The following TAFA1 variants were observed in gnomAD, a reference collection of about 807,000 sequenced individuals.
TAFA1 encodes the protein TAFA chemokine like family member 1.
TAFA1 carries 4 observed loss-of-function variants against 18.5 expected under a neutral mutation model. That is an observed-to-expected ratio of 0.22 (90% confidence interval 0.11 to 0.49). TAFA1 has a LOEUF of 0.49. Ranked by LOEUF, TAFA1 falls within the 20% of genes least tolerant of loss-of-function variation. The probability of loss-of-function intolerance (pLI) is 0.98; values close to 1 mark genes in which losing one functional copy is unlikely to be tolerated. For missense variants in TAFA1, 147 were observed against 169.0 expected (o/e 0.87, Z 0.72); for synonymous variants, 56 against 55.2 (o/e 1.01, Z -0.06).
At chr3:68,330,304 T>C (rs2068845036) in intron 2 of TAFA1, among the ~76,000 whole-genome samples, 1 of 152,150 alleles carries the variant, frequency 6.6e-6, no homozygotes, top group Admixed American at 6.5e-5. Flanking sequence ...GGCCATGTGA[T>C]TGAGGCCTCT....
chr3:68,371,428 C>T (rs995343525), intron 2 of TAFA1, among the ~76,000 whole-genome samples: 1 of 152,040 alleles, frequency 6.6e-6, no homozygotes, highest in Non-Finnish European at 1.5e-5. Context: ...TCCCTGTGTC[C>T]ATGTGTTCTT....
intron 2 of TAFA1, among the ~76,000 whole-genome samples, chr3:68,389,177 T>C (rs1012812280): frequency 6.6e-6 from 1 of 152,310 alleles, no homozygotes; most frequent in South Asian, 2.1e-4. Flanking sequence ...GGGGACTTTG[T>C]ATGTGTAAAA....
In TAFA1 at chr3:68,500,066, A is replaced by C. The variant is rs995265617; in HGVS notation, c.260-38690A>C. ...CCATCTTTTGGTTGTGCCTTCTACT[A>C]TGTTGGCTTCCTTCCTAGGCTCTTT... is the stretch of plus-strand genomic sequence containing the variant. On this transcript the variant is annotated intron_variant, in intron 3 of 4. Coordinates refer to ENST00000478136, the MANE Select transcript of TAFA1 (RefSeq NM_213609.4). Among the ~76,000 whole-genome samples the C allele has an allele frequency of 3.3e-5, 5 of 151,854 alleles. No homozygotes were observed. In the East Asian group the frequency reaches 5.8e-4, roughly 18 times the overall value.
rs369483671 is a variant in TAFA1, at chr3:68,376,323, G to GT, written c.119-40947dup. On this transcript the variant is annotated intron_variant, in intron 2 of 4. Transcript: ENST00000478136. ...TTACATAGGGAAACTTGTGTCATGG[G>GT]TTTTTTTTTTACAGATCATTTCATC... Among the ~76,000 whole-genome samples the GT allele has an allele frequency of 5.6e-3, 821 of 146,178 alleles. 6 individuals are homozygous for GT. The highest frequency in any genetic ancestry group is 0.021 in the Middle Eastern group (6 of 290).
At chr3:68,223,028 C>T (rs1264382600) in intron 2 of TAFA1, among the ~76,000 whole-genome samples, 1 of 151,896 alleles carries the variant, frequency 6.6e-6, no homozygotes, top group Non-Finnish European at 1.5e-5. Flanking sequence ...TTCATTATGG[C>T]ATTTTTTTCC....
chr3:68,129,913 C>T (rs1235234973), intron 2 of TAFA1, among the ~76,000 whole-genome samples: 1 of 152,174 alleles, frequency 6.6e-6, no homozygotes, highest in Non-Finnish European at 1.5e-5. Context: ...GACTCTCATA[C>T]ATGTTAGCTC....
At chr3:67,997,378 T>G in the TAFA1 span, among the ~76,000 whole-genome samples, 1 of 152,192 alleles carries the variant, frequency 6.6e-6, no homozygotes, top group South Asian at 2.1e-4. Flanking sequence ...TAGTAAGAGG[T>G]AGAGCTGAAA....
At chr3:68,041,428 A>G (rs775136359) in intron 2 of TAFA1, among the ~76,000 whole-genome samples, 2 of 152,238 alleles carry the variant, frequency 1.3e-5, no homozygotes, top group Non-Finnish European at 2.9e-5. Flanking sequence ...CATTATGCCA[A>G]TCATATAGAC....
chr3:68,421,635 G>A (rs2070957138), intron 3 of TAFA1, among the ~76,000 whole-genome samples: 1 of 151,884 alleles, frequency 6.6e-6, no homozygotes, highest in African/African-American at 2.4e-5. Flanking sequence ...TGCTTCCTAA[G>A]CTCAGTTTGC....
chr3:68,017,820 CA>C (rs1301019235), intron 2 of TAFA1, among the ~76,000 whole-genome samples: 2 of 152,232 alleles, frequency 1.3e-5, no homozygotes, highest in East Asian at 3.9e-4. Context: ...GTCTAAGATG[CA>C]AAGCTGCTTG....
At chr3:68,143,382 C>G (rs2065694451) in intron 2 of TAFA1, among the ~76,000 whole-genome samples, 1 of 152,182 alleles carries the variant, frequency 6.6e-6, no homozygotes, top group South Asian at 2.1e-4. Flanking sequence ...AGTCCCATTA[C>G]AGGATAGGCC....
intron 2 of TAFA1, among the ~76,000 whole-genome samples, chr3:68,288,793 G>C (rs563427024): frequency 1.3e-5 from 2 of 152,210 alleles, no homozygotes; most frequent in Non-Finnish European, 2.9e-5. Flanking sequence ...TGATATGGGA[G>C]AGCCAGGGCT....
chr3:68,505,199 C>T (rs2106716202), intron 3 of TAFA1, among the ~76,000 whole-genome samples: 1 of 152,256 alleles, frequency 6.6e-6, no homozygotes, highest in Non-Finnish European at 1.5e-5. Flanking sequence ...AAACATTTTA[C>T]ACTTTTCAAG....
intron 2 of TAFA1, among the ~76,000 whole-genome samples, chr3:68,061,655 C>T (rs1015597883): frequency 4.6e-5 from 7 of 152,128 alleles, no homozygotes; most frequent in African/African-American, 1.7e-4. Flanking sequence ...TTGCATAGGT[C>T]ATAAGCACTA....
At chr3:68,033,059 A>C (rs1225184820) in intron 2 of TAFA1, among the ~76,000 whole-genome samples, 1 of 152,164 alleles carries the variant, frequency 6.6e-6, no homozygotes, top group Non-Finnish European at 1.5e-5. Context: ...TATATACTCA[A>C]CAGTCACTTA....
At chr3:68,244,789 C>T (rs758218078) in intron 2 of TAFA1, among the ~76,000 whole-genome samples, 1 of 152,068 alleles carries the variant, frequency 6.6e-6, no homozygotes, top group Admixed American at 6.6e-5. Context: ...AAGCACATTC[C>T]CTGCATTATT....
In TAFA1 at chr3:68,194,319, G is replaced by T. The variant is rs181996232; in HGVS notation, c.118+187575G>T. Among the ~76,000 whole-genome samples the T allele has an allele frequency of 1.6e-4, 24 of 151,784 alleles. No homozygotes were observed. The East Asian group carries it at 4.7e-3, about 30-fold the overall frequency. ...AAGAGCAGCATTTCTATCTACCTTG[G>T]TGGCTGAAGTATGATCAAATGGAAA... On this transcript the variant is annotated intron_variant, in intron 2 of 4. Transcript: ENST00000478136.
At chr3:68,428,949 CAATAGAG>C (rs1230089496) in intron 3 of TAFA1, among the ~76,000 whole-genome samples, 4 of 151,912 alleles carry the variant, frequency 2.6e-5, no homozygotes, top group Non-Finnish European at 5.9e-5. Flanking sequence ...TAAACCTTCT[CAATAGAG>C]GTTCAAGTAA....
chr3:68,290,492 C>A (rs887144613), intron 2 of TAFA1, among the ~76,000 whole-genome samples: 1 of 152,096 alleles, frequency 6.6e-6, no homozygotes. Flanking sequence ...TAAGAAGTTA[C>A]AGAGTCATAA....
Sources: gnomAD v4.1 joint callset for allele counts (sites outside exome capture counted in the v4.1 genomes callset) on GRCh38, gnomAD v4.1.1 for gene constraint, MANE v1.5 for transcripts, NCBI Gene and HGNC (gene_info 2026-07-23, HGNC 2026-07-21) for gene names.